HERC3: variants seen among roughly 807,000 people sequenced by gnomAD.
HERC3 encodes probable E3 ubiquitin-protein ligase HERC3.
HERC3 carries 58 observed loss-of-function variants against 129.9 expected under a neutral mutation model. The observed-to-expected ratio is 0.45, with a 90% CI of 0.36 to 0.56. The LOEUF is 0.56. Among genes scored for constraint, HERC3 ranks in the 20% least tolerant of loss-of-function variants. The pLI, the probability that HERC3 is intolerant of heterozygous loss-of-function variation, is 0.00. For synonymous variants in HERC3, 430 were observed against 451.0 expected (o/e 0.95, Z 0.59); for missense variants, 835 against 1,244.2 (o/e 0.67, Z 4.95).
chr4:88,686,252 A>G (rs1173151820), intron 21 of HERC3, among the ~76,000 whole-genome samples: 3 of 152,196 alleles, frequency 2.0e-5, no homozygotes, highest in Non-Finnish European at 2.9e-5. Flanking sequence ...GGTCTTTACC[A>G]TATAGAGACT....
At position 88,704,851 on chromosome 4, in the gene HERC3, T is replaced by TTTTC. The variant is rs992882754; in HGVS notation, c.2944+253_2944+256dup. On this transcript the variant is annotated intron_variant, in intron 25 of 25. Transcript: ENST00000402738. ...AAAAGAAGCATCTCACTGATTTTTC[T>TTTTC]TTTCTTTCTTTCTTTTTTTTTTTTT... Among the ~76,000 whole-genome samples the TTTTC allele has an allele frequency of 4.9e-3, 725 of 146,798 alleles. 7 individuals are homozygous for TTTTC. Among genetic ancestry groups the TTTTC allele is most frequent in the Middle Eastern group, 0.014 (4 of 286 alleles).
chr4:88,565,299 G>A, the HERC3 span, among the ~76,000 whole-genome samples: 1 of 152,064 alleles, frequency 6.6e-6, no homozygotes, highest in Non-Finnish European at 1.5e-5. Context: ...TTGATTTTCT[G>A]TCTGGATGAT....
chr4:88,549,294 G>A, the HERC3 span, among the ~76,000 whole-genome samples: 1 of 149,784 alleles, frequency 6.7e-6, no homozygotes, highest in African/African-American at 2.5e-5. Flanking sequence ...TATTCCTTAG[G>A]TTTTTTACTT....
chr4:88,690,381 A>G, intron 23 of HERC3: 1 of 985,422 alleles, frequency 1.0e-6, no homozygotes, highest in Non-Finnish European at 1.2e-6. Flanking sequence ...GCTTTATAAC[A>G]TTGTAGATGC....
chr4:88,628,728 A>G (rs919308062), intron 3 of HERC3, among the ~76,000 whole-genome samples: 15 of 152,340 alleles, frequency 9.8e-5, no homozygotes, highest in African/African-American at 3.6e-4. Flanking sequence ...CTATAGCGAT[A>G]TTGTTTGTAA....
chr4:88,682,895 C>T (rs1732962608), intron 21 of HERC3, among the ~76,000 whole-genome samples: 1 of 152,088 alleles, frequency 6.6e-6, no homozygotes, highest in African/African-American at 2.4e-5. Context: ...GAGGAATCGC[C>T]ACACTGACTT....
intron 1 of HERC3, among the ~76,000 whole-genome samples, chr4:88,592,859 G>C (rs1721865585): frequency 6.6e-6 from 1 of 152,068 alleles, no homozygotes; most frequent in African/African-American, 2.4e-5. Flanking sequence ...GGAAAGGCGA[G>C]ACAAGCCTTC....
chr4:88,554,841 G>T, the HERC3 span, among the ~76,000 whole-genome samples: 11,533 of 152,142 alleles, frequency 0.076, 626 homozygotes, highest in East Asian at 0.28. Flanking sequence ...TACCAAAATG[G>T]GCTGCTGCTT....
chr4:88,605,926 A>G lies in HERC3; in HGVS notation c.103A>G (p.Ser35Gly), dbSNP rs779655398. 18 of 1,614,082 alleles carry G rather than the reference A, an allele frequency of 1.1e-5. No homozygotes were observed. The Middle Eastern group carries it at 6.6e-4, about 59-fold the overall frequency. ...GGTGTGTGGGTTCATATCTGACAGA[A>G]GTGTCAAGGAAGTGGCCTGTGGGGG... ...PQVCGFISDR[S>G]VKEVACGGNH... Residue 35 changes from serine (S) to glycine (G), a missense_variant, in exon 3 of 26, where the codon AGT becomes GGT. Coordinates refer to ENST00000402738, the MANE Select transcript of HERC3 (RefSeq NM_014606.3).
the HERC3 span, among the ~76,000 whole-genome samples, chr4:88,544,905 G>A: frequency 2.0e-5 from 3 of 152,162 alleles, no homozygotes; most frequent in African/African-American, 7.2e-5. Context: ...CTGTTGTGGG[G>A]TGGGATGCTG....
At chr4:88,695,118 T>C (rs1382818744) in intron 23 of HERC3, among the ~76,000 whole-genome samples, 1 of 152,208 alleles carries the variant, frequency 6.6e-6, no homozygotes, top group African/African-American at 2.4e-5. Flanking sequence ...TATTAGATTT[T>C]TTCTCTATTA....
intron 3 of HERC3, among the ~76,000 whole-genome samples, chr4:88,640,695 C>T (rs998256010): frequency 1.3e-5 from 2 of 151,632 alleles, no homozygotes; most frequent in African/African-American, 4.9e-5. Context: ...TTTAACAAAC[C>T]TGCACGTTCT....
chr4:88,694,154 A>T (rs1483957258), intron 23 of HERC3, among the ~76,000 whole-genome samples: 1 of 152,160 alleles, frequency 6.6e-6, no homozygotes, highest in African/African-American at 2.4e-5. Context: ...AGCTAGGAAC[A>T]CTTGTCTCTA....
At chr4:88,544,831 CAT>C in the HERC3 span, among the ~76,000 whole-genome samples, 2 of 152,072 alleles carry the variant, frequency 1.3e-5, no homozygotes, top group African/African-American at 2.4e-5. Context: ...TGTTCTCACT[CAT>C]GTGTGAGAAT....
the HERC3 span, among the ~76,000 whole-genome samples, chr4:88,566,482 A>G: frequency 1.3e-5 from 2 of 152,170 alleles, no homozygotes; most frequent in African/African-American, 4.8e-5. Flanking sequence ...TGTTGTAGCT[A>G]TTTTTGATCA....
chr4:88,523,893 A>G, the HERC3 span: 1 of 568,184 alleles, frequency 1.8e-6, no homozygotes. Flanking sequence ...CACGGGCGTC[A>G]TCTATAGTCC....
At chr4:88,692,913 CTT>C (rs1262886056) in intron 23 of HERC3, 1 of 985,242 alleles carries the variant, frequency 1.0e-6, no homozygotes, top group Non-Finnish European at 1.2e-6. Context: ...AGAAAAATGA[CTT>C]TGAAGACTTT....
chr4:88,554,487 A>T, the HERC3 span, among the ~76,000 whole-genome samples: 1 of 152,236 alleles, frequency 6.6e-6, no homozygotes, highest in Non-Finnish European at 1.5e-5. Flanking sequence ...GATTGAGGTT[A>T]ATCAGAGTTG....
chr4:88,678,027 G>T lies in HERC3; in HGVS notation c.2089G>T (p.Ala697Ser), dbSNP rs746810574. The T allele has an allele frequency of 8.1e-6, 13 of 1,613,742 alleles. No individual in the cohort carries two copies. The highest frequency in any genetic ancestry group is 3.3e-4 in the Middle Eastern group (2 of 6,078). Reference protein sequence around the residue: ...FMLLTLEPLLARSPFLVLHVR... With the variant: ...FMLLTLEPLLSRSPFLVLHVR... Reference sequence around the variant, plus strand: ...GCTTCTCACCCTGGAGCCTCTGCTGGCCAGAAGCCCCTTCCTGGTCCTTCA... The same window carrying T: ...GCTTCTCACCCTGGAGCCTCTGCTGTCCAGAAGCCCCTTCCTGGTCCTTCA... Residue 697 changes from alanine (A) to serine (S), a missense_variant, in exon 19 of 26, where the codon GCC (alanine) becomes TCC (serine). Transcript: ENST00000402738.
Sources: gnomAD v4.1 joint callset for allele counts (sites outside exome capture counted in the v4.1 genomes callset) on GRCh38, gnomAD v4.1.1 for gene constraint, MANE v1.5 for transcripts, NCBI Gene and HGNC (gene_info 2026-07-23, HGNC 2026-07-21) for gene names.